Variants in CFAP99 observed in about 807,000 individuals in gnomAD.
CFAP99 encodes cilia and flagella associated protein 99, also known as cilia- and flagella-associated protein 99.
A neutral mutation model predicts 82.7 loss-of-function variants in CFAP99; 84 were observed. The ratio of observed to expected loss-of-function variants is 1.02; its 90% CI spans 0.85 to 1.22. The LOEUF (loss-of-function observed/expected upper bound fraction) is 1.22. Ranked by LOEUF, CFAP99 falls within the 50% of genes most tolerant of loss-of-function variation. CFAP99 has a pLI of 0.00. For synonymous variants in CFAP99, 456 were observed against 429.5 expected (o/e 1.06, Z -0.76); for missense variants, 1,059 against 983.5 (o/e 1.08, Z -1.03).
rs1000059398 is a variant in CFAP99, at chr4:2,462,413, T to G, written c.1662-30T>G. Reference sequence around the variant, plus strand: ...GTCTGGCCTGGGCCTCCCGCCGGCCTGCTCCTGAGCCCGCCGCGTCGCCCG... The same window carrying G: ...GTCTGGCCTGGGCCTCCCGCCGGCCGGCTCCTGAGCCCGCCGCGTCGCCCG... On this transcript the variant is annotated intron_variant, in intron 14 of 14. Coordinates refer to ENST00000635017, the Ensembl canonical transcript of CFAP99. The surrounding 1 kb of genome is among the most constrained non-coding windows in gnomAD (Gnocchi z 4.1). The G allele has an allele frequency of 2.6e-5, 37 of 1,402,084 alleles. No homozygotes were observed. Among genetic ancestry groups the G allele is most frequent in the Non-Finnish European group, 3.2e-5 (35 of 1,091,638 alleles). The allele number at this position is 1,402,084 out of a possible 1,614,324, so 86.9% of individuals were successfully genotyped here. A position where few individuals can be genotyped will look rare whatever the true frequency, so the allele number is the denominator to read the frequency against.
chr4:2,439,840 T>C (rs906679452), intron 4 of CFAP99, among the ~76,000 whole-genome samples: 1 of 151,714 alleles, frequency 6.6e-6, no homozygotes, highest in Non-Finnish European at 1.5e-5. Context: ...TCTATTACTA[T>C]CTTGACATTT....
chr4:2,460,375 T>C (rs1418392411), intron 14 of CFAP99, 133 bp downstream of exon 14: 2 of 747,456 alleles, frequency 2.7e-6, no homozygotes, highest in African/African-American at 3.5e-5. Context: ...TTGCCGTAAC[T>C]CCCCTGACCC....
intron 8 of CFAP99, 121 bp from the exon 9 acceptor site, chr4:2,450,826 A>T: frequency 1.4e-6 from 1 of 737,558 alleles, no homozygotes; most frequent in Non-Finnish European, 2.3e-6. Context: ...AGCTGGGGGG[A>T]GGATGAAGAG....
Position 2,448,689 on chromosome 4 carries a change from C to G in CFAP99, c.643-981C>G, listed in dbSNP as rs1300987390. Among the ~76,000 whole-genome samples the G allele has an allele frequency of 6.6e-6, 1 of 152,206 alleles. No individual in the cohort carries two copies. The highest frequency in any genetic ancestry group is 2.4e-5 in the African/African-American group (1 of 41,460). ...GCAAAGGCCCTGGGGCAGTGCCCAC[C>G]CTCCCTCAAGTGTTTGAGGGTGGCC... On this transcript the variant is annotated intron_variant, in intron 6 of 14. Transcript: ENST00000635017. This position sits in a 1 kb window ranked among gnomAD's most constrained non-coding sequence, Gnocchi z 5.2.
chr4:2,459,759 A>G (rs3135153), intron 13 of CFAP99, among the ~76,000 whole-genome samples: 137,134 of 152,296 alleles, frequency 0.9, 61,922 homozygotes, highest in East Asian at 0.98. Flanking sequence ...TGTCTGCCCC[A>G]GGCCCCGAAG....
chr4:2,458,629 C>T, intron 11 of CFAP99, 94 bp from the exon 12 acceptor site: 1 of 1,442,018 alleles, frequency 6.9e-7, no homozygotes, highest in South Asian at 1.4e-5. Flanking sequence ...CTGGGTCCAC[C>T]TTCAGACCTC....
At chr4:2,425,466 A>G (rs1339632984) in intron 1 of CFAP99, among the ~76,000 whole-genome samples, 2 of 152,216 alleles carry the variant, frequency 1.3e-5, no homozygotes, top group East Asian at 3.9e-4. Context: ...TGGAGGGTCC[A>G]GGTCTGGGGA....
intron 1 of CFAP99, among the ~76,000 whole-genome samples, chr4:2,426,086 C>T (rs1365637778): frequency 2.0e-5 from 3 of 152,194 alleles, no homozygotes; most frequent in East Asian, 1.9e-4. Flanking sequence ...TGCTCTCTGC[C>T]GTGGGCCCCT....
At chr4:2,422,374 G>A (rs1469849464) in intron 1 of CFAP99, among the ~76,000 whole-genome samples, 1 of 152,046 alleles carries the variant, frequency 6.6e-6, no homozygotes, top group African/African-American at 2.4e-5. Flanking sequence ...CTTCACCCCC[G>A]TCCCCATCTT....
intron 11 of CFAP99, among the ~76,000 whole-genome samples, chr4:2,452,596 C>A (rs1051224458): frequency 2.0e-5 from 3 of 152,190 alleles, no homozygotes; most frequent in African/African-American, 7.2e-5. Flanking sequence ...CAGCGGGGAG[C>A]CTCAGCCCCA....
chr4:2,433,161 G>T (rs1159479603), intron 2 of CFAP99, among the ~76,000 whole-genome samples: 3 of 152,226 alleles, frequency 2.0e-5, no homozygotes, highest in African/African-American at 7.2e-5. Flanking sequence ...GGCCCAGAGT[G>T]GCCCTGCCCA....
In CFAP99 at chr4:2,446,025, A is replaced by C. The variant is rs926532542; in HGVS notation, c.642+717A>C. Among the ~76,000 whole-genome samples the C allele has an allele frequency of 6.6e-6, 1 of 152,228 alleles. No homozygotes were observed. Among genetic ancestry groups the C allele is most frequent in the African/African-American group, 2.4e-5 (1 of 41,466 alleles). ...ACGGGTTCTATCCCAAGCACCAGCA[A>C]TGGACTGAGCTTCCCAGAACCAACG... On this transcript the variant is annotated intron_variant, in intron 6 of 14. Coordinates refer to ENST00000635017, the Ensembl canonical transcript of CFAP99. The surrounding 1 kb of genome is among the most constrained non-coding windows in gnomAD (Gnocchi z 5.0).
intron 4 of CFAP99, among the ~76,000 whole-genome samples, chr4:2,441,255 C>T (rs909058858): frequency 6.6e-6 from 1 of 151,294 alleles, no homozygotes; most frequent in Admixed American, 6.6e-5. Flanking sequence ...CGCCTATAAT[C>T]CCAGCTACTC....
chr4:2,462,997 C>T (rs578127348), downstream of CFAP99: 55 of 876,814 alleles, frequency 6.3e-5, no homozygotes, highest in Non-Finnish European at 7.9e-5. This position sits in a 1 kb window ranked among gnomAD's most constrained non-coding sequence, Gnocchi z 4.1. Flanking sequence ...AGAGTGCGGC[C>T]CGCGGTGCGC....
chr4:2,456,809 G>T (rs562269001), intron 11 of CFAP99, among the ~76,000 whole-genome samples: 1 of 152,070 alleles, frequency 6.6e-6, no homozygotes, highest in African/African-American at 2.4e-5. Context: ...ATGAGCCACC[G>T]CGCCCGGCCA....
At chr4:2,441,463 C>T (rs571142270) in intron 4 of CFAP99, among the ~76,000 whole-genome samples, 3 of 152,110 alleles carry the variant, frequency 2.0e-5, no homozygotes, top group Non-Finnish European at 4.4e-5. Flanking sequence ...GGATCAATCT[C>T]GGCCTGCAGA....
chr4:2,459,475 G>A (rs1030906047), intron 13 of CFAP99, among the ~76,000 whole-genome samples: 1 of 152,238 alleles, frequency 6.6e-6, no homozygotes, highest in Non-Finnish European at 1.5e-5. Flanking sequence ...CACTTAGCCA[G>A]TCCTCTATAA....
At chr4:2,429,618 G>A (rs1733756796) in intron 2 of CFAP99, among the ~76,000 whole-genome samples, 5 of 148,206 alleles carry the variant, frequency 3.4e-5, no homozygotes, top group Non-Finnish European at 5.9e-5. Flanking sequence ...TTGAGACAGA[G>A]TCTCACTCTG....
In CFAP99 at chr4:2,433,724, G is replaced by T. The variant is rs547515063; in HGVS notation, c.112-3150G>T. On this transcript the variant is annotated intron_variant, in intron 2 of 14. Coordinates refer to ENST00000635017, the Ensembl canonical transcript of CFAP99. ...AGGGACAGTAAACAAGCCATGCCGC[G>T]ACTGGGACAGGCCATGTCCTGCAAG... Among the ~76,000 whole-genome samples the T allele has an allele frequency of 3.9e-5, 6 of 152,342 alleles. No individual in the cohort carries two copies. The East Asian group carries it at 1.2e-3, about 29-fold the overall frequency.
Sources: gnomAD v4.1 joint callset for allele counts (sites outside exome capture counted in the v4.1 genomes callset) on GRCh38, gnomAD v4.1.1 for gene constraint, Gnocchi (gnomAD v3.1) non-coding constraint, MANE v1.5 for transcripts, NCBI Gene and HGNC (gene_info 2026-07-23, HGNC 2026-07-21) for gene names.